Variants in ZFHX3 observed in about 807,000 individuals in gnomAD.
The protein encoded by ZFHX3 is zinc finger homeobox 3.
Under a neutral mutation model 279.1 loss-of-function variants are expected in ZFHX3, and 42 were observed. That is an observed-to-expected ratio of 0.15 (90% CI 0.12 to 0.19). ZFHX3 has a LOEUF of 0.19. Among genes scored for constraint, ZFHX3 ranks in the 10% least tolerant of loss-of-function variants. ZFHX3 has a pLI of 1.00. For missense variants in ZFHX3, 4,981 were observed against 4,754.0 expected, an observed-to-expected ratio of 1.05 and a Z score of -1.40; for synonymous variants, 2,293 against 1,957.8, an observed-to-expected ratio of 1.17 and a Z score of -4.52.
chr16:73,459,847 C>T (rs1483204323), intron 2 of ZFHX3, among the ~76,000 whole-genome samples: 1 of 152,176 alleles, frequency 6.6e-6, no homozygotes, highest in African/African-American at 2.4e-5. Context: ...TGAGAACTCA[C>T]TGACTATCAC....
At chr16:73,483,288 A>T in intron 2 of ZFHX3, 1 of 433,770 alleles carries the variant, frequency 2.3e-6, no homozygotes, top group South Asian at 1.6e-5. Flanking sequence ...AGACACGTGC[A>T]CGGAGCCTCC....
At chr16:73,719,832 C>T (rs936908403) in intron 1 of ZFHX3, among the ~76,000 whole-genome samples, 2 of 151,828 alleles carry the variant, frequency 1.3e-5, no homozygotes, top group African/African-American at 4.8e-5. Flanking sequence ...AGGGTTTCTC[C>T]GTGTTGGTCA....
chr16:73,354,512 C>T (rs2016302449), intron 3 of ZFHX3, among the ~76,000 whole-genome samples: 1 of 152,158 alleles, frequency 6.6e-6, no homozygotes, highest in Non-Finnish European at 1.5e-5. Context: ...TTCACGAGGT[C>T]TCCCTTCCAC....
At chr16:72,942,546 G>A (rs1452012832) in intron 3 of ZFHX3, among the ~76,000 whole-genome samples, 1 of 152,164 alleles carries the variant, frequency 6.6e-6, no homozygotes, top group African/African-American at 2.4e-5. Context: ...TAGACTTTCT[G>A]AAATTAGACC....
At chr16:73,811,439 T>C (rs1194638219) in intron 1 of ZFHX3, among the ~76,000 whole-genome samples, 6 of 103,596 alleles carry the variant, frequency 5.8e-5, no homozygotes, top group Admixed American at 5.3e-4. Flanking sequence ...CAGTCTCTTC[T>C]TTTTTTTTTT....
At chr16:73,470,355 T>C (rs2018645440) in intron 2 of ZFHX3, among the ~76,000 whole-genome samples, 1 of 152,130 alleles carries the variant, frequency 6.6e-6, no homozygotes, top group Admixed American at 6.6e-5. Context: ...CAGACAGAAA[T>C]CCAGACAGTC....
intron 1 of ZFHX3, among the ~76,000 whole-genome samples, chr16:73,703,685 C>A (rs776612689): frequency 7.9e-5 from 12 of 152,100 alleles, no homozygotes; most frequent in Non-Finnish European, 1.2e-4. Flanking sequence ...CCGGGAGGTG[C>A]CTGGCAGACA....
At chr16:73,082,531 A>C (rs374834387) in intron 8 of ZFHX3, among the ~76,000 whole-genome samples, 149 of 152,276 alleles carry the variant, frequency 9.8e-4, no homozygotes, top group African/African-American at 3.5e-3. Context: ...GGCCTCCCAG[A>C]GTGCTGGGAT....
At chr16:73,408,654 C>G (rs2017409938) in intron 3 of ZFHX3, among the ~76,000 whole-genome samples, 1 of 152,298 alleles carries the variant, frequency 6.6e-6, no homozygotes, top group South Asian at 2.1e-4. Flanking sequence ...GCTAGCTGAA[C>G]TTGGGGCCCT....
At chr16:73,043,844 T>C (rs908252337) in intron 1 of ZFHX3, among the ~76,000 whole-genome samples, 1 of 152,260 alleles carries the variant, frequency 6.6e-6, no homozygotes, top group African/African-American at 2.4e-5. Flanking sequence ...GAGATCAATC[T>C]GGCAGTCAAC....
intron 5 of ZFHX3, among the ~76,000 whole-genome samples, chr16:73,179,962 G>A (rs528604081): frequency 4.5e-4 from 68 of 152,296 alleles, no homozygotes; most frequent in Non-Finnish European, 8.1e-4. Context: ...CGGGCACAAT[G>A]AGGGGAAAAA....
intron 4 of ZFHX3, among the ~76,000 whole-genome samples, chr16:73,299,511 G>C (rs2015002916): frequency 6.6e-6 from 1 of 152,158 alleles, no homozygotes; most frequent in South Asian, 2.1e-4. Context: ...TGATTCTGTT[G>C]ACAGTATTGT....
chr16:73,889,698 G>C (rs2030465417), intron 1 of ZFHX3, among the ~76,000 whole-genome samples: 1 of 152,110 alleles, frequency 6.6e-6, no homozygotes, highest in Non-Finnish European at 1.5e-5. Context: ...CAGTGTATGG[G>C]TTAATTCTCA....
At position 72,787,674 on chromosome 16, in the gene ZFHX3, G is replaced by A. The variant is rs761128887; in HGVS notation, c.10602C>T (p.Cys3534=). Reference sequence around the variant, plus strand: ...CTTCCTCCCCACAGAGCGCGCTCTCGCACGCCAGGCAGTGGTACGAGCCGC... The same window carrying A: ...CTTCCTCCCCACAGAGCGCGCTCTCACACGCCAGGCAGTGGTACGAGCCGC... ...GGGGSYHCLA[C]ESALCGEEAL... is the part of the protein sequence containing the mutation. Residue 3534 remains cysteine (C), a synonymous_variant, in exon 10 of 10, where the codon TGC becomes TGT. Transcript: ENST00000268489. 5.8e-6 allele frequency: 9 copies of A among 1,555,182 alleles called. No homozygotes were observed. Among genetic ancestry groups the A allele is most frequent in the African/African-American group, 1.4e-5 (1 of 71,718 alleles).
intron 8 of ZFHX3, among the ~76,000 whole-genome samples, chr16:73,073,355 C>G (rs936608481): frequency 1.3e-5 from 2 of 152,188 alleles, no homozygotes; most frequent in African/African-American, 4.8e-5. Context: ...AGAGGTCGGT[C>G]ATAGATATGT....
intron 4 of ZFHX3, among the ~76,000 whole-genome samples, chr16:73,312,275 G>A (rs1035730036): frequency 6.6e-6 from 1 of 152,092 alleles, no homozygotes; most frequent in Non-Finnish European, 1.5e-5. Flanking sequence ...ATATTTGGAG[G>A]GCTGTCATAA....
At chr16:73,626,015 G>C (rs565520497) in intron 2 of ZFHX3, among the ~76,000 whole-genome samples, 1 of 152,032 alleles carries the variant, frequency 6.6e-6, no homozygotes, top group Non-Finnish European at 1.5e-5. Context: ...CCACCACCAC[G>C]CCTGGCTAAT....
chr16:73,076,993 T>C (rs1336979674), intron 8 of ZFHX3, among the ~76,000 whole-genome samples: 1 of 152,168 alleles, frequency 6.6e-6, no homozygotes, highest in African/African-American at 2.4e-5. Flanking sequence ...TCAGAGGATC[T>C]TCTAGGGGAA....
chr16:73,189,688 C>A (rs1220252723), intron 5 of ZFHX3, among the ~76,000 whole-genome samples: 3 of 152,200 alleles, frequency 2.0e-5, no homozygotes, highest in Non-Finnish European at 4.4e-5. Context: ...TTTCACCTCT[C>A]TTTGGTAGGG....
Sources: gnomAD v4.1 joint callset for allele counts (sites outside exome capture counted in the v4.1 genomes callset) on GRCh38, gnomAD v4.1.1 for gene constraint, MANE v1.5 for transcripts, NCBI Gene and HGNC (gene_info 2026-07-23, HGNC 2026-07-21) for gene names.